The following ATP10D variants were observed in gnomAD, a reference collection of about 807,000 sequenced individuals.
ATP10D encodes phospholipid-transporting ATPase VD.
Under a neutral mutation model 144.8 loss-of-function variants are expected in ATP10D, and 89 were observed. The observed-to-expected ratio is 0.61, with a 90% CI of 0.52 to 0.73. The LOEUF is 0.73. ATP10D is among the 30% of genes least tolerant of loss of function. The pLI is 0.00. For missense variants in ATP10D, 1,603 were observed against 1,714.8 expected (o/e 0.93, Z 1.15); for synonymous variants, 571 against 615.1 (o/e 0.93, Z 1.06).
chr4:47,550,920 T>G (rs900337338), intron 10 of ATP10D, among the ~76,000 whole-genome samples: 2 of 151,846 alleles, frequency 1.3e-5, no homozygotes, highest in Non-Finnish European at 2.9e-5. Flanking sequence ...ACCAGAAGAG[T>G]GCAGTTGCAA....
intron 4 of ATP10D, among the ~76,000 whole-genome samples, chr4:47,524,411 A>G (rs1455630948): frequency 6.6e-6 from 1 of 152,108 alleles, no homozygotes; most frequent in Non-Finnish European, 1.5e-5. Context: ...CTCCTAGACT[A>G]CTGTCATTGT....
intron 4 of ATP10D, among the ~76,000 whole-genome samples, chr4:47,524,774 A>G (rs757479272): frequency 8.5e-5 from 13 of 152,234 alleles, no homozygotes; most frequent in Non-Finnish European, 1.3e-4. Context: ...ATTAGCTAAT[A>G]TATTTAAAGT....
At chr4:47,520,570 T>C (rs1174094063) in intron 3 of ATP10D, among the ~76,000 whole-genome samples, 2 of 152,092 alleles carry the variant, frequency 1.3e-5, no homozygotes, top group African/African-American at 2.4e-5. Flanking sequence ...TTTTTTGTTT[T>C]GTTTTGTTTT....
intron 9 of ATP10D, among the ~76,000 whole-genome samples, chr4:47,546,187 G>A (rs1349505715): frequency 2.0e-5 from 3 of 152,204 alleles, no homozygotes; most frequent in Non-Finnish European, 2.9e-5. Flanking sequence ...CTTGACAACA[G>A]CAATGTCAGT....
At chr4:47,522,932 T>C in intron 3 of ATP10D, 80 bp from the exon 4 acceptor site, 1 of 1,185,578 alleles carries the variant, frequency 8.4e-7, no homozygotes, top group Admixed American at 2.4e-5. Context: ...AATTATACGC[T>C]AAAAAATTTT....
Position 47,546,729 on chromosome 4 carries a change from G to A in ATP10D, c.1502G>A (p.Cys501Tyr), listed in dbSNP as rs771042542. The change falls in exon 10 of 23, where the codon TGC becomes TAC. Residue 501 changes from cysteine (C) to tyrosine (Y), a missense_variant. Cys to Tyr is a radical substitution (Grantham distance 194). Coordinates refer to ENST00000273859, the MANE Select transcript of ATP10D (RefSeq NM_020453.4). The stretch of plus-strand genomic sequence containing the variant: ...ATGGCAAAACCGAGAGCCCCCAGCT[G>A]CAGGACAGTTCATAATGGGCCTTTG... ...SNMAKPRAPS[C>Y]RTVHNGPLGN... 3.7e-6 allele frequency: 6 copies of A among 1,614,140 alleles called. No homozygotes were observed. The highest frequency in any genetic ancestry group is 1.7e-4 in the Middle Eastern group (1 of 6,056).
At chr4:47,547,020 T>C in intron 10 of ATP10D, 158 bp downstream of exon 10, 2 of 661,252 alleles carry the variant, frequency 3.0e-6, no homozygotes, top group South Asian at 3.9e-5. Flanking sequence ...ATTAGAAGTA[T>C]AAACAAACAA....
intron 10 of ATP10D, chr4:47,547,539 A>G (rs141127555): frequency 1.2e-4 from 19 of 152,338 alleles, no homozygotes; most frequent in African/African-American, 4.6e-4. Context: ...TGTATTTAAA[A>G]TTACCTGTAT....
intron 1 of ATP10D, among the ~76,000 whole-genome samples, chr4:47,492,738 G>A (rs985621601): frequency 4.0e-5 from 6 of 151,776 alleles, no homozygotes; most frequent in African/African-American, 4.8e-5. Context: ...ATACATTTTC[G>A]AAATTAATTA....
Position 47,546,797 on chromosome 4 carries a change from C to T in ATP10D, c.1570C>T (p.Leu524=). The stretch of plus-strand genomic sequence containing the variant: ...TCATCTTGCTGGGAGCTCTTTTACT[C>T]TAGGAAGTGGAGAAGGAGCCAGTGA... ...SNHLAGSSFT[L]GSGEGASEVP... The change falls in exon 10 of 23, where the codon CTA becomes TTA. Residue 524 remains leucine (L), a synonymous_variant. Transcript: ENST00000273859. The T allele has an allele frequency of 6.2e-7, 1 of 1,613,648 alleles. No homozygotes were observed. Among genetic ancestry groups the T allele is most frequent in the Non-Finnish European group, 8.5e-7 (1 of 1,179,966 alleles).
At chr4:47,521,881 G>A (rs943503951) in intron 3 of ATP10D, among the ~76,000 whole-genome samples, 169 of 152,264 alleles carry the variant, frequency 1.1e-3, no homozygotes, top group African/African-American at 3.8e-3. Context: ...TCAACCTTGT[G>A]CATTTGGTAT....
intron 1 of ATP10D, chr4:47,491,140 A>G: frequency 1.4e-6 from 1 of 734,732 alleles, no homozygotes; most frequent in South Asian, 1.4e-5. Flanking sequence ...ATTTTCCTTC[A>G]TGCGTTTCAG....
intron 15 of ATP10D, among the ~76,000 whole-genome samples, chr4:47,565,098 A>T (rs1052750857): frequency 2.0e-5 from 3 of 152,170 alleles, no homozygotes; most frequent in African/African-American, 7.2e-5. Flanking sequence ...AGCTGGGACT[A>T]CAGGCTCCCG....
intron 1 of ATP10D, among the ~76,000 whole-genome samples, chr4:47,497,351 A>G (rs1715442140): frequency 6.6e-6 from 1 of 152,174 alleles, no homozygotes; most frequent in Non-Finnish European, 1.5e-5. Context: ...GCTACTCAGG[A>G]GGCTGAGGCA....
At position 47,491,429 on chromosome 4, in the gene ATP10D, G is replaced by A. The variant is rs1007289512; in HGVS notation, c.-38+5910G>A. 7.0e-6 allele frequency: 5 copies of A among 717,806 alleles called. No homozygotes were observed. In the Admixed American group the frequency reaches 8.8e-5, roughly 13 times the overall value. The allele number at this position is 717,806 out of a possible 1,614,324, so 44.5% of individuals were successfully genotyped here. A position where few individuals can be genotyped will look rare whatever the true frequency, so the allele number is the denominator to read the frequency against. On this transcript the variant is annotated intron_variant, in intron 1 of 22. Coordinates refer to ENST00000273859, the MANE Select transcript of ATP10D (RefSeq NM_020453.4). Reference sequence around the variant, plus strand: ...TAAAAGGCCTAGAGAACATGTATGGGGTGCCGCTCCTCTTTCCCTTTGTGT... The same window carrying A: ...TAAAAGGCCTAGAGAACATGTATGGAGTGCCGCTCCTCTTTCCCTTTGTGT...
intron 13 of ATP10D, 87 bp downstream of exon 13, chr4:47,559,116 A>C: frequency 1.0e-6 from 1 of 984,202 alleles, no homozygotes; most frequent in Non-Finnish European, 1.6e-6. Context: ...GCAAACCCTA[A>C]TCCAGATGCT....
chr4:47,515,741 T>C (rs1716644359), intron 3 of ATP10D, 71 bp downstream of exon 3: 1 of 1,282,620 alleles, frequency 7.8e-7, no homozygotes, highest in South Asian at 1.4e-5. Flanking sequence ...GTTACTTTTT[T>C]CTCCTTAGGT....
rs1470606512 is a variant in ATP10D, at chr4:47,572,194, C to A, written c.3204C>A (p.Asp1068Glu). 6.2e-7 allele frequency: 1 copy of A among 1,613,958 alleles called. No individual in the cohort carries two copies. Among genetic ancestry groups the A allele is most frequent in the Non-Finnish European group, 8.5e-7 (1 of 1,180,008 alleles). Residue 1068 changes from aspartate to glutamate, a missense_variant, in exon 17 of 23, where the codon GAC becomes GAA. Asp to Glu is a conservative substitution (Grantham distance 45). Coordinates refer to ENST00000273859, the MANE Select transcript of ATP10D (RefSeq NM_020453.4). ...ANDVSMIQVADIGIGVSGQEG... is the reference protein window; with the variant it reads ...ANDVSMIQVAEIGIGVSGQEG... ...ATGTTAGCATGATACAAGTGGCAGA[C>A]ATTGGGATAGGGGTCTCAGGTCAAG... is the stretch of plus-strand genomic sequence containing the variant.
At position 47,592,041 on chromosome 4, in the gene ATP10D, G is replaced by A. The variant is rs1227119942; in HGVS notation, c.*660G>A. The A allele has an allele frequency of 2.0e-5, 3 of 152,260 alleles. No homozygotes were observed. Among genetic ancestry groups the A allele is most frequent in the Non-Finnish European group, 2.9e-5 (2 of 68,012 alleles). 9.4% of individuals were successfully genotyped at this position (152,260 alleles called of 1,614,324 possible). On this transcript the variant is annotated 3_prime_UTR_variant, in exon 23 of 23. Transcript: ENST00000273859. ...TTTTCCTGAGGTGGAGCCTTCATTG[G>A]AAAGGGGAAAGAGGGATTCTAGGGT...
Sources: gnomAD v4.1 joint callset for allele counts (sites outside exome capture counted in the v4.1 genomes callset) on GRCh38, gnomAD v4.1.1 for gene constraint, MANE v1.5 for transcripts, NCBI Gene and HGNC (gene_info 2026-07-23, HGNC 2026-07-21) for gene names.